IL1RAPL2: variants seen among roughly 807,000 people sequenced by gnomAD.
IL1RAPL2 encodes X-linked interleukin-1 receptor accessory protein-like 2.
IL1RAPL2 carries 3 observed loss-of-function variants against 44.1 expected under a neutral mutation model. The ratio of observed to expected loss-of-function variants is 0.07; its 90% CI spans 0.03 to 0.18. The LOEUF (loss-of-function observed/expected upper bound fraction) is 0.18. Ranked by LOEUF, IL1RAPL2 falls within the 10% of genes least tolerant of loss-of-function variation. IL1RAPL2 has a pLI of 1.00. For synonymous variants in IL1RAPL2, 181 were observed against 178.8 expected (o/e 1.01, Z -0.10); for missense variants, 391 against 496.4 (o/e 0.79, Z 2.02).
chrX:105,013,265 C>G (rs947991458), intron 2 of IL1RAPL2, among the ~76,000 whole-genome samples: 20 of 110,623 alleles, frequency 1.8e-4, no homozygotes, highest in African/African-American at 6.5e-4. Context: ...TATTGGAAAC[C>G]TTGAGTGAGA....
intron 1 of IL1RAPL2, among the ~76,000 whole-genome samples, chrX:104,637,067 A>G (rs1481928073): frequency 1.0e-5 from 1 of 96,751 alleles, no homozygotes; most frequent in East Asian, 3.3e-4. Flanking sequence ...GTAGTTTGGG[A>G]TTTTTTTTTT....
chrX:104,994,329 A>G (rs1422740075), intron 2 of IL1RAPL2, among the ~76,000 whole-genome samples: 1 of 111,505 alleles, frequency 9.0e-6, no homozygotes. Flanking sequence ...AACAGGAAAA[A>G]CTAAACTGTG....
intron 5 of IL1RAPL2, among the ~76,000 whole-genome samples, chrX:105,415,032 GA>G (rs1282910992): frequency 8.9e-6 from 1 of 112,157 alleles, no homozygotes; most frequent in Non-Finnish European, 1.9e-5. Flanking sequence ...AAGAAGGTAA[GA>G]AATTAAAGTC....
At chrX:104,653,743 T>C (rs1930196962) in intron 1 of IL1RAPL2, among the ~76,000 whole-genome samples, 2 of 111,507 alleles carry the variant, frequency 1.8e-5, no homozygotes, top group South Asian at 3.8e-4. Context: ...ATATTCTGGG[T>C]AAGGCTCTAT....
intron 2 of IL1RAPL2, among the ~76,000 whole-genome samples, chrX:105,166,238 G>T (rs369676523): frequency 1.1e-4 from 12 of 111,724 alleles, no homozygotes; most frequent in African/African-American, 3.3e-4. Context: ...TAAGCTTCCT[G>T]AGACAAAGGC....
intron 2 of IL1RAPL2, among the ~76,000 whole-genome samples, chrX:104,848,384 C>A (rs1417215287): frequency 1.1e-5 from 1 of 89,024 alleles, no homozygotes; most frequent in Admixed American, 1.3e-4. Flanking sequence ...GTTTTTTATA[C>A]AAATTTTTAA....
At chrX:104,910,199 G>T (rs1040046792) in intron 2 of IL1RAPL2, among the ~76,000 whole-genome samples, 2 of 112,146 alleles carry the variant, frequency 1.8e-5, no homozygotes, top group African/African-American at 6.5e-5. Flanking sequence ...GCAATGCCTC[G>T]CCATGCTTCG....
At chrX:105,212,954 A>G (rs1326437620) in intron 3 of IL1RAPL2, among the ~76,000 whole-genome samples, 2 of 112,126 alleles carry the variant, frequency 1.8e-5, no homozygotes, top group Non-Finnish European at 3.8e-5. Context: ...AAGGAGCCCC[A>G]CACAAACACC....
At chrX:105,451,357 A>G (rs1462044200) in intron 5 of IL1RAPL2, among the ~76,000 whole-genome samples, 1 of 111,482 alleles carries the variant, frequency 9.0e-6, no homozygotes, top group African/African-American at 3.3e-5. Context: ...AGAAAGTGTC[A>G]GATTTATATT....
chrX:105,276,123 C>T (rs1329351051), intron 5 of IL1RAPL2, among the ~76,000 whole-genome samples: 1 of 112,622 alleles, frequency 8.9e-6, no homozygotes, highest in Non-Finnish European at 1.9e-5. Flanking sequence ...TACTCAAATG[C>T]GGCCAGGCAC....
chrX:104,707,098 A>G (rs1188401108), intron 2 of IL1RAPL2, among the ~76,000 whole-genome samples: 1 of 111,384 alleles, frequency 9.0e-6, no homozygotes, highest in East Asian at 2.8e-4. Context: ...TCCCTAGGGC[A>G]TGACACACTG....
chrX:104,767,850 CA>C (rs751809145), intron 2 of IL1RAPL2, among the ~76,000 whole-genome samples: 1 of 111,219 alleles, frequency 9.0e-6, no homozygotes, highest in East Asian at 2.9e-4. Context: ...AACTAAGAGG[CA>C]AAACTTTATA....
At chrX:104,602,860 G>A (rs1730110369) in intron 1 of IL1RAPL2, among the ~76,000 whole-genome samples, 1 of 111,586 alleles carries the variant, frequency 9.0e-6, no homozygotes, top group Non-Finnish European at 1.9e-5. Context: ...CCATCTCCCT[G>A]GGACAGAGCA....
At chrX:105,039,768 A>T (rs1421215448) in intron 2 of IL1RAPL2, among the ~76,000 whole-genome samples, 1 of 111,684 alleles carries the variant, frequency 9.0e-6, no homozygotes. Context: ...TATCAGCTTA[A>T]GGAGATTTTG....
At chrX:105,760,403 GAGAA>G (rs1400392127) in intron 10 of IL1RAPL2, among the ~76,000 whole-genome samples, 6 of 112,089 alleles carry the variant, frequency 5.4e-5, no homozygotes, top group East Asian at 2.8e-4. Context: ...CTTCAGAAGA[GAGAA>G]AGAAAGAGGT....
intron 2 of IL1RAPL2, among the ~76,000 whole-genome samples, chrX:104,718,599 G>A (rs1931622088): frequency 9.0e-6 from 1 of 110,951 alleles, no homozygotes; most frequent in African/African-American, 3.3e-5. Context: ...GACGTGGCTT[G>A]TTTCCCCTTC....
intron 2 of IL1RAPL2, among the ~76,000 whole-genome samples, chrX:105,081,470 T>G (rs1315325210): frequency 1.8e-5 from 2 of 111,754 alleles, no homozygotes; most frequent in African/African-American, 6.5e-5. Flanking sequence ...TCATTGGGAT[T>G]GATTTTCTGT....
intron 2 of IL1RAPL2, among the ~76,000 whole-genome samples, chrX:104,684,791 G>A (rs1044657118): frequency 8.9e-6 from 1 of 112,312 alleles, no homozygotes; most frequent in African/African-American, 3.2e-5. Context: ...GGAATAAAGT[G>A]CATCTTGGAT....
At chrX:104,983,282 T>TA (rs2030477702) in intron 2 of IL1RAPL2, among the ~76,000 whole-genome samples, 1 of 106,013 alleles carries the variant, frequency 9.4e-6, no homozygotes, top group Non-Finnish European at 1.9e-5. Flanking sequence ...CACAGGGAGG[T>TA]AAAAAACATG....
Sources: allele counts gnomAD v4.1 joint callset (sites outside exome capture counted in the v4.1 genomes callset), GRCh38; gene constraint gnomAD v4.1.1; transcripts MANE v1.5; gene names NCBI Gene and HGNC (gene_info 2026-07-23, HGNC 2026-07-21).